DAPK2: variants seen among roughly 807,000 people sequenced by gnomAD.
DAPK2 encodes the protein death associated protein kinase 2, also known as death-associated protein kinase 2.
A neutral mutation model predicts 44.1 loss-of-function variants in DAPK2; 35 were observed. The ratio of observed to expected loss-of-function variants is 0.79; its 90% CI spans 0.61 to 1.05. The LOEUF is 1.05. Among genes scored for constraint, DAPK2 ranks in the 50% least tolerant of loss-of-function variants. The probability of loss-of-function intolerance (pLI) is 0.00; values close to 1 mark genes in which losing one functional copy is unlikely to be tolerated. For missense variants in DAPK2, 453 were observed against 483.2 expected (o/e 0.94, Z 0.59); for synonymous variants, 174 against 182.6 (o/e 0.95, Z 0.38).
chr15:63,992,769 G>T (rs149183610), intron 1 of DAPK2, among the ~76,000 whole-genome samples: 1 of 152,356 alleles, frequency 6.6e-6, no homozygotes, highest in African/African-American at 2.4e-5. Flanking sequence ...GTCGGGCTCA[G>T]TTGGGTCAGG....
chr15:64,043,560 C>G (rs747177702), upstream of DAPK2, among the ~76,000 whole-genome samples: 3 of 152,136 alleles, frequency 2.0e-5, no homozygotes, highest in Non-Finnish European at 4.4e-5. Flanking sequence ...ATGCATGGTG[C>G]TAGATGTCAG....
chr15:63,907,852 C>G (rs529526224), exon 11 of DAPK2: 5 of 152,434 alleles, frequency 3.3e-5, no homozygotes, highest in African/African-American at 1.2e-4. Context: ...CCACTGGGTG[C>G]CCCCCCTCAG....
intron 8 of DAPK2, among the ~76,000 whole-genome samples, chr15:63,913,056 C>T (rs148905993): frequency 2.0e-5 from 3 of 152,046 alleles, no homozygotes; most frequent in Non-Finnish European, 4.4e-5. Context: ...TTTTACAACA[C>T]GGATGAACCT....
chr15:64,046,355 C>CTCGGCGGGA (rs1555485893), upstream of DAPK2: 1 of 350,924 alleles, frequency 2.8e-6, no homozygotes, highest in African/African-American at 9.9e-5. This position sits in a 1 kb window ranked among gnomAD's most constrained non-coding sequence, Gnocchi z 5.3. Flanking sequence ...GAGCGGCGGG[C>CTCGGCGGGA]GCGGCGGGCG....
intron 3 of DAPK2, among the ~76,000 whole-genome samples, chr15:63,948,554 C>T (rs893011182): frequency 3.9e-5 from 6 of 152,116 alleles, no homozygotes; most frequent in African/African-American, 1.4e-4. Context: ...AAGATCCAGT[C>T]ACCTCCCAAC....
chr15:64,007,322 G>A (rs2079260510), intron 1 of DAPK2, among the ~76,000 whole-genome samples: 1 of 151,922 alleles, frequency 6.6e-6, no homozygotes, highest in Non-Finnish European at 1.5e-5. Flanking sequence ...ATGACCTGAA[G>A]GTACAGGGTC....
intron 3 of DAPK2, among the ~76,000 whole-genome samples, chr15:63,967,279 T>G (rs2078080527): frequency 6.6e-6 from 1 of 152,246 alleles, no homozygotes; most frequent in South Asian, 2.1e-4. Context: ...TTTTTTTGTG[T>G]ATGGATAGTT....
chr15:63,964,762 T>A (rs72752981), intron 3 of DAPK2, among the ~76,000 whole-genome samples: 3,045 of 152,240 alleles, frequency 0.02, 51 homozygotes, highest in Non-Finnish European at 0.032. Context: ...ATCAATTGCA[T>A]TTTTCACTTC....
chr15:64,034,438 C>T (rs773362915), intron 1 of DAPK2, among the ~76,000 whole-genome samples: 44 of 152,282 alleles, frequency 2.9e-4, no homozygotes, highest in Admixed American at 5.9e-4. Context: ...CTCCTTCCCC[C>T]GCCGAAGTCT....
intron 1 of DAPK2, among the ~76,000 whole-genome samples, chr15:63,985,982 A>T (rs1038035314): frequency 1.3e-5 from 2 of 152,142 alleles, no homozygotes; most frequent in Admixed American, 6.5e-5. Flanking sequence ...CCCCAAAAGG[A>T]GGTATTTTGA....
At chr15:63,910,109 G>C (rs1391509235) in intron 10 of DAPK2, among the ~76,000 whole-genome samples, 2 of 152,246 alleles carry the variant, frequency 1.3e-5, no homozygotes, top group Admixed American at 6.5e-5. Context: ...GCTGGGTAAA[G>C]TCTGCTTGTC....
Position 63,912,441 on chromosome 15 carries a change from G to A in DAPK2, c.859-244C>T, listed in dbSNP as rs1444629771. On this transcript the variant is annotated intron_variant, in intron 8 of 10. Transcript: ENST00000261891. The surrounding 1 kb of genome is among the most constrained non-coding windows in gnomAD (Gnocchi z 4.4). ...CCTGACACACACACAGCCTTGGCTG[G>A]AGGCTCAGCAGCTCCTGAAGGGGAA... is the stretch of plus-strand genomic sequence containing the variant. Among the ~76,000 whole-genome samples, 1 of 152,244 alleles carries A rather than the reference G, an allele frequency of 6.6e-6. No individual in the cohort carries two copies. The highest frequency in any genetic ancestry group is 1.9e-4 in the East Asian group (1 of 5,204).
intron 3 of DAPK2, among the ~76,000 whole-genome samples, chr15:63,963,493 C>T (rs1254883141): frequency 6.6e-6 from 1 of 152,210 alleles, no homozygotes; most frequent in Non-Finnish European, 1.5e-5. Flanking sequence ...GTTTTTTAAT[C>T]CATTCAGCCA....
Position 63,908,583 on chromosome 15 carries a change from G to A in DAPK2, c.1050C>T (p.Asp350=), listed in dbSNP as rs748321577. Residue 350 remains aspartate (D), a synonymous_variant, in exon 11 of 11, where the codon GAC becomes GAT. Transcript: ENST00000261891. This position sits in a 1 kb window ranked among gnomAD's most constrained non-coding sequence, Gnocchi z 5.7. The stretch of plus-strand genomic sequence containing the variant: ...TCCTCCTGGCGATGTCCTCCTCAGT[G>A]TCACTCTCACAGTTCCTCTGGAGAA... The A allele has an allele frequency of 6.2e-6, 10 of 1,600,626 alleles. No individual in the cohort carries two copies. The Admixed American group carries it at 1.7e-4, about 28-fold the overall frequency.
chr15:63,938,884 T>C (rs1310117692), intron 4 of DAPK2, among the ~76,000 whole-genome samples: 1 of 152,198 alleles, frequency 6.6e-6, no homozygotes, highest in Non-Finnish European at 1.5e-5. Context: ...GTTGAGTTTA[T>C]GGGAATTCAA....
At chr15:64,019,654 C>T (rs748951392) in intron 1 of DAPK2, among the ~76,000 whole-genome samples, 12 of 152,164 alleles carry the variant, frequency 7.9e-5, no homozygotes, top group Non-Finnish European at 1.0e-4. Context: ...GTGAATGCTT[C>T]GGTGTATTTC....
At chr15:63,970,791 T>C (rs1342083073) in intron 3 of DAPK2, among the ~76,000 whole-genome samples, 1 of 152,230 alleles carries the variant, frequency 6.6e-6, no homozygotes, top group Non-Finnish European at 1.5e-5. Context: ...AGGGAACTGA[T>C]CCTTCTACTT....
At chr15:63,986,516 C>T (rs913339221) in intron 1 of DAPK2, among the ~76,000 whole-genome samples, 2 of 152,148 alleles carry the variant, frequency 1.3e-5, no homozygotes, top group Non-Finnish European at 2.9e-5. Context: ...CCTCAAACTC[C>T]TGGGCTCAAG....
At chr15:63,983,983 G>A (rs1595852763) in intron 1 of DAPK2, among the ~76,000 whole-genome samples, 1 of 152,178 alleles carries the variant, frequency 6.6e-6, no homozygotes, top group Admixed American at 6.5e-5. Flanking sequence ...AGTATTCTTA[G>A]TCCCAGTGTA....
Sources: allele counts gnomAD v4.1 joint callset (sites outside exome capture counted in the v4.1 genomes callset), GRCh38; gene constraint gnomAD v4.1.1; non-coding constraint Gnocchi (gnomAD v3.1); transcripts MANE v1.5; gene names NCBI Gene and HGNC (gene_info 2026-07-23, HGNC 2026-07-21).